The following PDZRN4 variants were observed in gnomAD, a reference collection of about 807,000 sequenced individuals.
PDZRN4 encodes the protein PDZ domain containing ring finger 4, also known as PDZ domain-containing RING finger protein 4.
A neutral mutation model predicts 99.0 loss-of-function variants in PDZRN4; 70 were observed. The ratio of observed to expected loss-of-function variants is 0.71; its 90% CI spans 0.58 to 0.86. The LOEUF is 0.86. PDZRN4 is among the 40% of genes least tolerant of loss of function. The probability of loss-of-function intolerance (pLI) is 0.00; values close to 1 mark genes in which losing one functional copy is unlikely to be tolerated. For missense variants in PDZRN4, 1,474 were observed against 1,331.2 expected, an observed-to-expected ratio of 1.11 and a Z score of -1.67; for synonymous variants, 551 against 501.6, an observed-to-expected ratio of 1.10 and a Z score of -1.32.
At chr12:41,519,116 A>G (rs1039226759) in intron 5 of PDZRN4, among the ~76,000 whole-genome samples, 1 of 152,086 alleles carries the variant, frequency 6.6e-6, no homozygotes, top group African/African-American at 2.4e-5. Flanking sequence ...GGTTGAAAAA[A>G]AACAGATAAG....
chr12:41,441,428 T>C (rs1170926233), intron 3 of PDZRN4, among the ~76,000 whole-genome samples: 1 of 152,152 alleles, frequency 6.6e-6, no homozygotes, highest in East Asian at 1.9e-4. Flanking sequence ...CACCTGCATC[T>C]GTGAATTAGT....
At chr12:41,437,685 G>C (rs756771620) in intron 3 of PDZRN4, 494 of 1,269,830 alleles carry the variant, frequency 3.9e-4, no homozygotes, top group Non-Finnish European at 5.0e-4. Context: ...ATGCAGAGAC[G>C]GGGGAGTGTT....
chr12:41,189,004 C>T lies in PDZRN4; in HGVS notation c.549C>T (p.Gly183=), dbSNP rs1218771020. The change falls in exon 1 of 10, where the codon GGC becomes GGT. Residue 183 remains glycine, a synonymous_variant. Coordinates refer to ENST00000402685, the MANE Select transcript of PDZRN4 (RefSeq NM_001164595.2). ...ALLAQLWALQ[G]EVQLTARRYQ... ...TGGCGCAGCTCTGGGCGCTGCAGGGCGAGGTGCAGCTCACGGCGCGCAGGT... is the reference window on the plus strand; with the variant it reads ...TGGCGCAGCTCTGGGCGCTGCAGGGTGAGGTGCAGCTCACGGCGCGCAGGT... 6.5e-7 allele frequency: 1 copy of T among 1,547,356 alleles called. No homozygotes were observed. Among genetic ancestry groups the T allele is most frequent in the South Asian group, 1.2e-5 (1 of 84,862 alleles).
chr12:41,422,949 A>G (rs756337198), intron 3 of PDZRN4, among the ~76,000 whole-genome samples: 19 of 152,074 alleles, frequency 1.2e-4, no homozygotes, highest in Non-Finnish European at 2.9e-5. Context: ...TCTATCCTCC[A>G]GTATCTTCCT....
intron 8 of PDZRN4, among the ~76,000 whole-genome samples, chr12:41,563,951 A>AG (rs1592114692): frequency 6.6e-6 from 1 of 152,174 alleles, no homozygotes; most frequent in Non-Finnish European, 1.5e-5. Context: ...ATCCCTTTTA[A>AG]GGGGGGAAAA....
At chr12:41,508,156 A>C (rs1310585769) in intron 4 of PDZRN4, among the ~76,000 whole-genome samples, 2 of 152,126 alleles carry the variant, frequency 1.3e-5, no homozygotes, top group Admixed American at 6.6e-5. Context: ...AGATGAGGGA[A>C]CAGATATTAA....
At chr12:41,301,198 C>T (rs79429461) in intron 3 of PDZRN4, among the ~76,000 whole-genome samples, 1 of 151,876 alleles carries the variant, frequency 6.6e-6, no homozygotes, top group Non-Finnish European at 1.5e-5. Context: ...GGGGAAGAGG[C>T]AGAAACGATG....
At chr12:41,325,039 A>G (rs1173913094) in intron 3 of PDZRN4, among the ~76,000 whole-genome samples, 2 of 152,164 alleles carry the variant, frequency 1.3e-5, no homozygotes, top group Non-Finnish European at 2.9e-5. Flanking sequence ...ATCAATTAAT[A>G]TAGTAGAGCA....
chr12:41,456,880 T>TA (rs1184759701), intron 3 of PDZRN4, among the ~76,000 whole-genome samples: 2 of 152,170 alleles, frequency 1.3e-5, no homozygotes, highest in Non-Finnish European at 2.9e-5. Context: ...AGAAAGGGCT[T>TA]AGAGTTATTA....
intron 3 of PDZRN4, among the ~76,000 whole-genome samples, chr12:41,482,342 A>T (rs1565594504): frequency 6.6e-6 from 1 of 152,316 alleles, no homozygotes; most frequent in African/African-American, 2.4e-5. Flanking sequence ...GCTTGTAGCT[A>T]TCAAGGAAGT....
chr12:41,492,664 CT>C (rs1177728515), intron 3 of PDZRN4, among the ~76,000 whole-genome samples: 1 of 152,040 alleles, frequency 6.6e-6, no homozygotes, highest in African/African-American at 2.4e-5. Context: ...ACCCAAAGTT[CT>C]TTAAAGTATG....
At chr12:41,413,462 A>G (rs916432904) in intron 3 of PDZRN4, among the ~76,000 whole-genome samples, 1 of 152,158 alleles carries the variant, frequency 6.6e-6, no homozygotes, top group Non-Finnish European at 1.5e-5. Flanking sequence ...TACCACTGTA[A>G]GATGACTATA....
At chr12:41,257,613 C>A (rs768649790) in intron 3 of PDZRN4, among the ~76,000 whole-genome samples, 1 of 152,106 alleles carries the variant, frequency 6.6e-6, no homozygotes, top group South Asian at 2.1e-4. Context: ...GTGCAGAAAG[C>A]CTTTGGACAC....
At chr12:41,395,653 C>T (rs991199465) in intron 3 of PDZRN4, among the ~76,000 whole-genome samples, 6 of 151,902 alleles carry the variant, frequency 3.9e-5, no homozygotes, top group Non-Finnish European at 7.4e-5. Context: ...TATTGGTATC[C>T]ACTCCATTTT....
At chr12:41,306,424 T>C (rs1951569889) in intron 3 of PDZRN4, among the ~76,000 whole-genome samples, 2 of 152,218 alleles carry the variant, frequency 1.3e-5, no homozygotes, top group African/African-American at 2.4e-5. Flanking sequence ...TTTATTGCCA[T>C]GTCCTGTACA....
At chr12:41,513,882 G>C (rs1044375358) in intron 5 of PDZRN4, among the ~76,000 whole-genome samples, 15 of 152,064 alleles carry the variant, frequency 9.9e-5, no homozygotes, top group African/African-American at 3.6e-4. Flanking sequence ...TGATAGAGGG[G>C]TCAGAAACCA....
chr12:41,269,369 T>C (rs1330008851), intron 3 of PDZRN4, among the ~76,000 whole-genome samples: 2 of 152,198 alleles, frequency 1.3e-5, no homozygotes, highest in African/African-American at 2.4e-5. Flanking sequence ...TGATACTATT[T>C]AAGCTGGATG....
chr12:41,451,140 T>A (rs2251683), intron 3 of PDZRN4, among the ~76,000 whole-genome samples: 76,673 of 150,030 alleles, frequency 0.51, 19,938 homozygotes, highest in African/African-American at 0.64. Context: ...TCCATTCAAT[T>A]TAATACTATT....
chr12:41,504,297 AATAG>A (rs376181624), intron 3 of PDZRN4, among the ~76,000 whole-genome samples: 2 of 150,894 alleles, frequency 1.3e-5, no homozygotes, highest in South Asian at 2.1e-4. Flanking sequence ...TAAATAAATA[AATAG>A]TTGATAACAG....
Sources: gnomAD v4.1 joint callset for allele counts (sites outside exome capture counted in the v4.1 genomes callset) on GRCh38, gnomAD v4.1.1 for gene constraint, MANE v1.5 for transcripts, NCBI Gene and HGNC (gene_info 2026-07-23, HGNC 2026-07-21) for gene names.